Variants in TATDN2 observed in about 807,000 individuals in gnomAD.
TATDN2 encodes the protein 3'-5' RNA nuclease TATDN2.
Under a neutral mutation model 60.3 loss-of-function variants are expected in TATDN2, and 44 were observed. The ratio of observed to expected loss-of-function variants is 0.73; its 90% CI spans 0.57 to 0.94. The LOEUF (loss-of-function observed/expected upper bound fraction) is 0.94. TATDN2 is among the 40% of genes least tolerant of loss of function. TATDN2 has a pLI of 0.00. For missense variants in TATDN2, 997 were observed against 948.0 expected (o/e 1.05, Z -0.68); for synonymous variants, 399 against 355.8 (o/e 1.12, Z -1.37).
chr3:10,262,347 A>C (rs919816854), intron 3 of TATDN2, among the ~76,000 whole-genome samples: 1 of 152,128 alleles, frequency 6.6e-6, no homozygotes, highest in Non-Finnish European at 1.5e-5. Context: ...TTTTGGTGGA[A>C]TACTTTTTCT....
At chr3:10,264,012 G>A (rs1698444142) in intron 3 of TATDN2, among the ~76,000 whole-genome samples, 1 of 152,120 alleles carries the variant, frequency 6.6e-6, no homozygotes, top group African/African-American at 2.4e-5. Flanking sequence ...CTGCGGGGGC[G>A]GCGTCAGCAT....
At chr3:10,251,185 G>A (rs971229553) in intron 2 of TATDN2, among the ~76,000 whole-genome samples, 4 of 152,148 alleles carry the variant, frequency 2.6e-5, no homozygotes, top group South Asian at 2.1e-4. Flanking sequence ...GGAGTGATGA[G>A]CTTCTAGGGA....
intron 4 of TATDN2, among the ~76,000 whole-genome samples, chr3:10,271,790 G>GGCCTCCACCTCCGCCTCC (rs1698569843): frequency 2.0e-5 from 3 of 148,928 alleles, no homozygotes; most frequent in South Asian, 4.3e-4. Flanking sequence ...GGCTCACTGC[G>GGCCTCCACCTCCGCCTCC]GCCTCCACCT....
chr3:10,270,089 A>G (rs715827), intron 3 of TATDN2, 42 bp from the exon 4 acceptor site: 297,409 of 1,563,092 alleles, frequency 0.19, 40,813 homozygotes, highest in East Asian at 0.68. Context: ...CCATCTTCAC[A>G]TCGGAAGGCT....
intron 2 of TATDN2, among the ~76,000 whole-genome samples, chr3:10,257,876 TG>T (rs1378018497): frequency 0.043 from 3,237 of 74,852 alleles, 610 homozygotes; most frequent in East Asian, 0.28. Flanking sequence ...TTTTTTTTTT[TG>T]GGAGATGGAG....
chr3:10,277,398 G>A (rs1177631375), intron 5 of TATDN2, among the ~76,000 whole-genome samples: 1 of 152,128 alleles, frequency 6.6e-6, no homozygotes, highest in East Asian at 1.9e-4. Flanking sequence ...TAGCATGTGG[G>A]ACTGGGTGGT....
Position 10,279,034 on chromosome 3 carries a change from G to A in TATDN2, c.*9G>A, listed in dbSNP as rs770236341. ...GCCTCTACAGTCTTTAAGCAGAGAA[G>A]GTACAGTCCTCGGGAGTCTCCTAGA... On this transcript the variant is annotated 3_prime_UTR_variant, in exon 7 of 8. Transcript: ENST00000448281. The A allele has an allele frequency of 8.7e-6, 14 of 1,613,812 alleles. No homozygotes were observed. In the East Asian group the frequency reaches 1.8e-4, roughly 21 times the overall value.
intron 3 of TATDN2, among the ~76,000 whole-genome samples, chr3:10,264,056 GTGC>G (rs1698444848): frequency 6.6e-6 from 1 of 152,142 alleles, no homozygotes; most frequent in Admixed American, 6.5e-5. Context: ...TGCAGTACCA[GTGC>G]CCTCCACTGA....
intron 4 of TATDN2, among the ~76,000 whole-genome samples, chr3:10,276,031 T>TA (rs1199772146): frequency 1.3e-5 from 2 of 152,286 alleles, no homozygotes; most frequent in African/African-American, 4.8e-5. Flanking sequence ...GTCGGCATCA[T>TA]ATAGTGGTTA....
At position 10,260,127 on chromosome 3, in the gene TATDN2, T is replaced by C; in HGVS notation, c.415-10T>C. ...GAACAGCCCTTTCAATTCTGTTTTT[T>C]TTTTCCCAGGTTGATTCCAAAGATA... On this transcript the variant is annotated splice_polypyrimidine_tract_variant and intron_variant, in intron 2 of 7. Transcript: ENST00000448281. 6.3e-7 allele frequency: 1 copy of C among 1,591,286 alleles called. No homozygotes were observed. The highest frequency in any genetic ancestry group is 1.2e-5 in the South Asian group (1 of 86,484).
At chr3:10,255,032 T>G (rs1314461234) in intron 2 of TATDN2, among the ~76,000 whole-genome samples, 1 of 12,478 alleles carries the variant, frequency 8.0e-5, no homozygotes, top group Non-Finnish European at 1.7e-4. Context: ...CCCCTCCCCC[T>G]CCCTCCTTTC....
In TATDN2 at chr3:10,278,035, G is replaced by A. The variant is rs1698663728; in HGVS notation, c.1962-244G>A. On this transcript the variant is annotated intron_variant, in intron 5 of 7. Transcript: ENST00000448281. The surrounding 1 kb of genome is among the most constrained non-coding windows in gnomAD (Gnocchi z 4.7). The stretch of plus-strand genomic sequence containing the variant: ...GTGTTCTCTGTGGTGGTCATCTCAG[G>A]GGACTGCAGAGCACTCTGTGGTGTG... 6.6e-6 allele frequency among the ~76,000 whole-genome samples: 1 copy of A among 151,934 alleles called. No individual in the cohort carries two copies.
intron 3 of TATDN2, 23 bp from the exon 4 acceptor site, chr3:10,270,108 G>A (rs1242587993): frequency 6.3e-7 from 1 of 1,594,038 alleles, no homozygotes; most frequent in Non-Finnish European, 8.5e-7. Flanking sequence ...CTAACCCACT[G>A]TTGTATGCCT....
At position 10,249,099 on chromosome 3, in the gene TATDN2, A is replaced by C. The variant is rs563664047; in HGVS notation, c.-7+32A>C. 8.0e-5 allele frequency: 113 copies of C among 1,411,508 alleles called. No homozygotes were observed. The South Asian group carries it at 1.6e-3, about 20-fold the overall frequency. The allele number at this position is 1,411,508 out of a possible 1,614,324, so 87.4% of individuals were successfully genotyped here. Reference sequence around the variant, plus strand: ...GAGGCTAGCCCCTGGCTCTGCCCTTATGTCTTGCCGTCCTCCTGGGCCCGG... The same window carrying C: ...GAGGCTAGCCCCTGGCTCTGCCCTTCTGTCTTGCCGTCCTCCTGGGCCCGG... On this transcript the variant is annotated intron_variant, in intron 1 of 7. Coordinates refer to ENST00000448281, the MANE Select transcript of TATDN2 (RefSeq NM_014760.4).
At chr3:10,274,671 A>G (rs1294172882) in intron 4 of TATDN2, among the ~76,000 whole-genome samples, 1 of 152,212 alleles carries the variant, frequency 6.6e-6, no homozygotes, top group Non-Finnish European at 1.5e-5. Flanking sequence ...ACCTATTGAT[A>G]GTGGAACTGG....
rs753432686 is a variant in TATDN2 at position 10,260,323 on chromosome 3, A to G, written c.601A>G (p.Lys201Glu). The G allele has an allele frequency of 1.2e-6, 2 of 1,614,174 alleles. No individual in the cohort carries two copies. Among genetic ancestry groups the G allele is most frequent in the South Asian group, 1.1e-5 (1 of 91,076 alleles). ...IQGILGKSMP[K>E]RKGEAATRAK... ...GGGCATCCTGGGGAAATCGATGCCA[A>G]AAAGGAAGGGAGAGGCTGCCACTCG... is the stretch of plus-strand genomic sequence containing the variant. Residue 201 changes from lysine (K) to glutamate (E), a missense_variant, in exon 3 of 8, where the codon AAA (lysine) becomes GAA (glutamate). Coordinates refer to ENST00000448281, the MANE Select transcript of TATDN2 (RefSeq NM_014760.4).
chr3:10,256,959 C>G (rs1170760433), intron 2 of TATDN2, among the ~76,000 whole-genome samples: 1 of 151,790 alleles, frequency 6.6e-6, no homozygotes, highest in African/African-American at 2.4e-5. Context: ...GAAGTTGGGG[C>G]TGTGTCTCAC....
Position 10,249,616 on chromosome 3 carries a change from T to C in TATDN2, c.414+2T>C, listed in dbSNP as rs749683682. On this transcript the variant is annotated splice_donor_variant, in intron 2 of 7. Coordinates refer to ENST00000448281, the MANE Select transcript of TATDN2 (RefSeq NM_014760.4). LOFTEE classifies it high-confidence loss of function. ...GAGGAGGAAGCCTGCAGCCTTAAGG[T>C]AGGTGGCTGCCACGCTTTGCAATCG... The C allele has an allele frequency of 6.6e-7, 1 of 1,504,988 alleles. No individual in the cohort carries two copies. Among genetic ancestry groups the C allele is most frequent in the East Asian group, 2.4e-5 (1 of 42,328 alleles). The allele number at this position is 1,504,988 out of a possible 1,614,324, so 93.2% of individuals were successfully genotyped here.
chr3:10,261,411 C>G (rs1214168927), intron 3 of TATDN2, among the ~76,000 whole-genome samples: 1 of 150,040 alleles, frequency 6.7e-6, no homozygotes, highest in South Asian at 2.1e-4. Flanking sequence ...TGCTCTGTTG[C>G]CCAGGCTGGA....
Sources: gnomAD v4.1 joint callset for allele counts (sites outside exome capture counted in the v4.1 genomes callset) on GRCh38, gnomAD v4.1.1 for gene constraint, Gnocchi (gnomAD v3.1) non-coding constraint, MANE v1.5 for transcripts, NCBI Gene and HGNC (gene_info 2026-07-23, HGNC 2026-07-21) for gene names.